SEC14L1: variants seen among roughly 807,000 people sequenced by gnomAD.
The protein encoded by SEC14L1 is SEC14-like protein 1.
A neutral mutation model predicts 85.3 loss-of-function variants in SEC14L1; 48 were observed. That is an observed-to-expected ratio of 0.56 (90% confidence interval 0.45 to 0.72). The LOEUF is 0.72. Ranked by LOEUF, SEC14L1 falls within the 30% of genes least tolerant of loss-of-function variation. The pLI, the probability that SEC14L1 is intolerant of heterozygous loss-of-function variation, is 0.00. For missense variants in SEC14L1, 682 were observed against 921.4 expected (o/e 0.74, Z 3.36); for synonymous variants, 391 against 355.5 (o/e 1.10, Z -1.12).
intron 9 of SEC14L1, among the ~76,000 whole-genome samples, 163 bp downstream of exon 9, chr17:77,200,836 C>A (rs900211140): frequency 6.6e-6 from 1 of 152,200 alleles, no homozygotes; most frequent in African/African-American, 2.4e-5. Flanking sequence ...CAGACTGATA[C>A]GTGTCACCAC....
Position 77,214,026 on chromosome 17 carries a change from C to A in SEC14L1, c.*3C>A. The A allele has an allele frequency of 6.2e-7, 1 of 1,611,720 alleles. No individual in the cohort carries two copies. The highest frequency in any genetic ancestry group is 8.5e-7 in the Non-Finnish European group (1 of 1,179,550). ...CCAGCTCCATGATCTCCAGGTAGTGCCGCGCTGCCTGCACCTAGTGTGCAG... is the reference window on the plus strand; with the variant it reads ...CCAGCTCCATGATCTCCAGGTAGTGACGCGCTGCCTGCACCTAGTGTGCAG... On this transcript the variant is annotated 3_prime_UTR_variant, in exon 17 of 17. Coordinates refer to ENST00000436233, the MANE Select transcript of SEC14L1 (RefSeq NM_001143998.2).
intron 3 of SEC14L1, among the ~76,000 whole-genome samples, chr17:77,170,894 C>CT (rs1195732147): frequency 6.6e-6 from 1 of 152,066 alleles, no homozygotes; most frequent in African/African-American, 2.4e-5. Context: ...AATTCCAAAC[C>CT]TAGGTATAAT....
intron 3 of SEC14L1, among the ~76,000 whole-genome samples, chr17:77,180,473 C>G (rs1974982864): frequency 1.3e-5 from 2 of 152,156 alleles, no homozygotes; most frequent in Admixed American, 1.3e-4. Flanking sequence ...GTTGGGAGTG[C>G]AGTGGCGTGA....
At chr17:77,194,620 G>C (rs1393912994) in intron 6 of SEC14L1, 57 bp from the exon 7 acceptor site, 1 of 1,353,690 alleles carries the variant, frequency 7.4e-7, no homozygotes, top group Admixed American at 1.8e-5. Context: ...TCTTGGGAGA[G>C]ATGAGTAATT....
In SEC14L1 at chr17:77,216,750, G is replaced by A; in HGVS notation, c.*2727G>A. 1 of 1,033,412 alleles carries A rather than the reference G, an allele frequency of 9.7e-7. No individual in the cohort carries two copies. The highest frequency in any genetic ancestry group is 1.4e-6 in the Non-Finnish European group (1 of 708,304). 64.0% of individuals were successfully genotyped at this position (1,033,412 alleles called of 1,614,324 possible). A position where few individuals can be genotyped will look rare whatever the true frequency, so the allele number is the denominator to read the frequency against. On this transcript the variant is annotated 3_prime_UTR_variant, in exon 17 of 17. Coordinates refer to ENST00000436233, the MANE Select transcript of SEC14L1 (RefSeq NM_001143998.2). Reference sequence around the variant, plus strand: ...GCATCTTGAAGAGCTCAAAGCACATGACCGCACAAATGCTTACAGGGTTTC... The same window carrying A: ...GCATCTTGAAGAGCTCAAAGCACATAACCGCACAAATGCTTACAGGGTTTC...
At chr17:77,108,665 G>C (rs990469056) in intron 3 of SEC14L1, among the ~76,000 whole-genome samples, 1 of 151,614 alleles carries the variant, frequency 6.6e-6, no homozygotes, top group African/African-American at 2.4e-5. Flanking sequence ...CTTGAACCTG[G>C]GAGGCGGAAG....
intron 3 of SEC14L1, among the ~76,000 whole-genome samples, chr17:77,121,851 G>T (rs1395473910): frequency 2.0e-5 from 3 of 152,128 alleles, no homozygotes; most frequent in African/African-American, 7.2e-5. Context: ...CCAGGCCAAC[G>T]CTGCCTGCAG....
intron 14 of SEC14L1, chr17:77,210,376 A>G (rs1202485767): frequency 6.5e-6 from 1 of 152,714 alleles, no homozygotes; most frequent in Non-Finnish European, 1.5e-5. Context: ...CTTCTCAGCT[A>G]GGACAAGGTT....
At chr17:77,165,511 GA>G (rs1205997187) in intron 3 of SEC14L1, among the ~76,000 whole-genome samples, 1 of 152,186 alleles carries the variant, frequency 6.6e-6, no homozygotes, top group Non-Finnish European at 1.5e-5. Flanking sequence ...TCAGTGAGTA[GA>G]GGGGTGACTT....
intron 3 of SEC14L1, among the ~76,000 whole-genome samples, chr17:77,127,504 C>T (rs1458522865): frequency 6.6e-6 from 1 of 152,132 alleles, no homozygotes; most frequent in Non-Finnish European, 1.5e-5. Flanking sequence ...CACCCACCAC[C>T]ACGCCTGGCT....
intron 3 of SEC14L1, among the ~76,000 whole-genome samples, chr17:77,106,892 C>T (rs963110792): frequency 6.6e-6 from 1 of 152,204 alleles, no homozygotes. Context: ...AGGCTGCGTT[C>T]TCCTTCTCCA....
chr17:77,186,679 C>T (rs377128272), intron 3 of SEC14L1, among the ~76,000 whole-genome samples: 1 of 152,164 alleles, frequency 6.6e-6, no homozygotes, highest in Non-Finnish European at 1.5e-5. Context: ...AAAACCCAGG[C>T]GGAGGAATTC....
At chr17:77,191,334 GGAA>G in intron 5 of SEC14L1, 22 bp downstream of exon 5, 1 of 1,612,602 alleles carries the variant, frequency 6.2e-7, no homozygotes, top group Non-Finnish European at 8.5e-7. Context: ...GTCACTCGGC[GGAA>G]GATGTTCTGC....
At position 77,190,918 on chromosome 17, in the gene SEC14L1, A is replaced by G; in HGVS notation, c.179A>G (p.Lys60Arg). 1 of 1,614,246 alleles carries G rather than the reference A, an allele frequency of 6.2e-7. No individual in the cohort carries two copies. The change falls in exon 4 of 17, where the codon AAG (lysine) becomes AGG (arginine). Residue 60 changes from lysine (K) to arginine (R), a missense_variant. Transcript: ENST00000436233. ...GAIHVIERRC[K>R]LDVDAPRLLK... ...ATTCATGTCATTGAAAGGCGCTGCA[A>G]GCTGGATGTAGATGCACCCAGACTG...
chr17:77,142,557 C>CA (rs757563624), intron 1 of SEC14L1, 89 bp from the exon 2 acceptor site: 7,276 of 77,560 alleles, frequency 0.094, 361 homozygotes, highest in East Asian at 0.28. Context: ...CACCCTGTCT[C>CA]AAAAAAAAAA....
At chr17:77,193,731 T>TG (rs949931051) in intron 6 of SEC14L1, among the ~76,000 whole-genome samples, 182 bp downstream of exon 6, 1 of 152,194 alleles carries the variant, frequency 6.6e-6, no homozygotes, top group African/African-American at 2.4e-5. Context: ...TGGTTGCTGA[T>TG]GGAGGAAGGA....
In SEC14L1 at chr17:77,216,697, G is replaced by T; in HGVS notation, c.*2674G>T. On this transcript the variant is annotated 3_prime_UTR_variant, in exon 17 of 17. Transcript: ENST00000436233. ...TTCTTTTTAAGTTGATTCGGGAGTG[G>T]CATTCTTTTATACCCAAAGACTGTA... The T allele has an allele frequency of 1.3e-6, 2 of 1,520,936 alleles. No individual in the cohort carries two copies. The highest frequency in any genetic ancestry group is 1.8e-6 in the Non-Finnish European group (2 of 1,108,558). The allele number at this position is 1,520,936 out of a possible 1,614,324, so 94.2% of individuals were successfully genotyped here. A position where few individuals can be genotyped will look rare whatever the true frequency, so the allele number is the denominator to read the frequency against.
Position 77,216,212 on chromosome 17 carries a change from C to A in SEC14L1, c.*2189C>A, listed in dbSNP as rs374472562. Reference sequence around the variant, plus strand: ...TAGTAGGTAGGGCTAGTAGGTAGGGCTAGTAGGTAGGGTTCGTAGGTAGGG... The same window carrying A: ...TAGTAGGTAGGGCTAGTAGGTAGGGATAGTAGGTAGGGTTCGTAGGTAGGG... On this transcript the variant is annotated 3_prime_UTR_variant, in exon 17 of 17. Transcript: ENST00000436233. 3.3e-6 allele frequency: 3 copies of A among 913,878 alleles called. No homozygotes were observed. The highest frequency in any genetic ancestry group is 1.7e-4 in the East Asian group (2 of 11,830). The allele number at this position is 913,878 out of a possible 1,614,324, so 56.6% of individuals were successfully genotyped here.
intron 3 of SEC14L1, among the ~76,000 whole-genome samples, chr17:77,100,868 T>C (rs896675286): frequency 3.3e-5 from 5 of 152,324 alleles, no homozygotes. Flanking sequence ...GAGAAGACTT[T>C]TCATACAATT....
Sources: allele counts gnomAD v4.1 joint callset (sites outside exome capture counted in the v4.1 genomes callset), GRCh38; gene constraint gnomAD v4.1.1; transcripts MANE v1.5; gene names NCBI Gene and HGNC (gene_info 2026-07-23, HGNC 2026-07-21).